Variants in CNTNAP2 observed in about 807,000 individuals in gnomAD.
CNTNAP2 encodes the protein contactin associated protein 2.
In CNTNAP2, 98 loss-of-function variants were observed where a neutral mutation model predicts 155.2. That is an observed-to-expected ratio of 0.63 (90% confidence interval 0.54 to 0.75). The LOEUF is 0.75. Among genes scored for constraint, CNTNAP2 ranks in the 30% least tolerant of loss-of-function variants. The probability of loss-of-function intolerance (pLI) is 0.00; values close to 1 mark genes in which losing one functional copy is unlikely to be tolerated. For synonymous variants in CNTNAP2, 651 were observed against 631.2 expected, an observed-to-expected ratio of 1.03 and a Z score of -0.47; for missense variants, 1,727 against 1,688.1, an observed-to-expected ratio of 1.02 and a Z score of -0.40.
intron 9 of CNTNAP2, among the ~76,000 whole-genome samples, chr7:147,367,975 CCTTT>C (rs1796265182): frequency 6.7e-6 from 1 of 150,148 alleles, no homozygotes; most frequent in African/African-American, 2.5e-5. Context: ...TGAGGAAAAG[CCTTT>C]CTTTCTTTCT....
intron 15 of CNTNAP2, among the ~76,000 whole-genome samples, chr7:148,024,535 G>C (rs759100804): frequency 2.4e-4 from 36 of 152,248 alleles, no homozygotes; most frequent in Admixed American, 3.9e-4. Context: ...ACCCAGCTTT[G>C]TTCCTCACAT....
At chr7:147,362,212 A>G (rs1796158700) in intron 9 of CNTNAP2, among the ~76,000 whole-genome samples, 1 of 152,150 alleles carries the variant, frequency 6.6e-6, no homozygotes, top group African/African-American at 2.4e-5. Context: ...AGCTCACTAC[A>G]GCCTCAAATT....
At chr7:147,319,954 C>T (rs567574357) in intron 9 of CNTNAP2, among the ~76,000 whole-genome samples, 5 of 152,172 alleles carry the variant, frequency 3.3e-5, no homozygotes, top group African/African-American at 9.6e-5. Context: ...TGTTCTTTCT[C>T]ACAACTACTC....
intron 1 of CNTNAP2, among the ~76,000 whole-genome samples, chr7:146,473,829 G>A (rs1023539939): frequency 6.6e-6 from 1 of 152,270 alleles, no homozygotes; most frequent in Admixed American, 6.5e-5. Context: ...TTTGTCTCAA[G>A]TATTGTTTTG....
At chr7:147,486,079 C>T (rs1798505507) in intron 11 of CNTNAP2, 38 bp downstream of exon 11, 2 of 1,541,636 alleles carry the variant, frequency 1.3e-6, no homozygotes, top group South Asian at 2.2e-5. Flanking sequence ...CTTGTAATTG[C>T]ATGAGAATCT....
At chr7:148,277,227 C>T (rs115116160) in intron 21 of CNTNAP2, among the ~76,000 whole-genome samples, 365 of 152,266 alleles carry the variant, frequency 2.4e-3, no homozygotes, top group African/African-American at 8.4e-3. Context: ...TGCTGGCCTC[C>T]AGCCCAGTGT....
chr7:148,172,608 A>G, intron 18 of CNTNAP2, 130 bp downstream of exon 18: 1 of 892,200 alleles, frequency 1.1e-6, no homozygotes, highest in Non-Finnish European at 1.8e-6. Context: ...TTTTTCTCTC[A>G]ACTTAGGTAG....
At chr7:147,841,203 C>G (rs929499111) in intron 13 of CNTNAP2, among the ~76,000 whole-genome samples, 1 of 152,018 alleles carries the variant, frequency 6.6e-6, no homozygotes, top group Non-Finnish European at 1.5e-5. Context: ...TGCCTCATTT[C>G]TTTGCTTTAT....
intron 10 of CNTNAP2, among the ~76,000 whole-genome samples, chr7:147,481,175 T>A (rs914611158): frequency 1.2e-4 from 19 of 152,344 alleles, no homozygotes; most frequent in African/African-American, 3.4e-4. Flanking sequence ...ATTTTAACTT[T>A]AAGCACTGTA....
chr7:147,317,224 C>T (rs755217389), intron 9 of CNTNAP2, among the ~76,000 whole-genome samples: 3 of 152,214 alleles, frequency 2.0e-5, no homozygotes, highest in Non-Finnish European at 4.4e-5. Flanking sequence ...TATCCACTGA[C>T]GGTTTCAGTC....
At chr7:148,232,574 G>A (rs771140041) in intron 20 of CNTNAP2, among the ~76,000 whole-genome samples, 2 of 152,060 alleles carry the variant, frequency 1.3e-5, no homozygotes, top group Non-Finnish European at 2.9e-5. Context: ...ACCTATTCTG[G>A]TAGTCCCCAG....
intron 8 of CNTNAP2, among the ~76,000 whole-genome samples, chr7:147,206,127 G>C (rs1441560766): frequency 2.0e-5 from 3 of 151,292 alleles, no homozygotes; most frequent in African/African-American, 7.3e-5. Flanking sequence ...GACTAATGTA[G>C]AAAAAAAAGA....
At chr7:147,418,871 C>T (rs1797242589) in intron 10 of CNTNAP2, among the ~76,000 whole-genome samples, 2 of 152,074 alleles carry the variant, frequency 1.3e-5, no homozygotes, top group African/African-American at 4.8e-5. Context: ...GTCTTCAAGC[C>T]TCGAAGCACC....
At chr7:148,409,505 T>TACTC in intron 23 of CNTNAP2, 34 bp downstream of exon 23, 1 of 1,562,906 alleles carries the variant, frequency 6.4e-7, no homozygotes, top group East Asian at 2.2e-5. Flanking sequence ...TATATGGGGC[T>TACTC]ACTCAACTAT....
chr7:147,182,294 C>G (rs537788061), intron 8 of CNTNAP2, among the ~76,000 whole-genome samples: 13 of 151,960 alleles, frequency 8.6e-5, no homozygotes, highest in Non-Finnish European at 1.8e-4. Context: ...TCAATATTAA[C>G]CTCCTCTTTT....
At chr7:148,214,760 G>A (rs889381411) in intron 18 of CNTNAP2, among the ~76,000 whole-genome samples, 4 of 152,026 alleles carry the variant, frequency 2.6e-5, no homozygotes, top group Non-Finnish European at 5.9e-5. Flanking sequence ...TAGTAGAGAC[G>A]GGGTTTCACC....
intron 3 of CNTNAP2, among the ~76,000 whole-genome samples, chr7:146,965,430 TC>T (rs1228179671): frequency 6.6e-6 from 1 of 151,930 alleles, no homozygotes; most frequent in East Asian, 1.9e-4. Context: ...TTACTTCAAA[TC>T]CCTCAGGATT....
chr7:147,626,375 TC>T (rs144668456), intron 12 of CNTNAP2, among the ~76,000 whole-genome samples: 133 of 151,796 alleles, frequency 8.8e-4, no homozygotes, highest in Non-Finnish European at 1.6e-3. Context: ...TAATGGCTAT[TC>T]CCCACTTCTC....
intron 3 of CNTNAP2, among the ~76,000 whole-genome samples, chr7:147,001,151 AC>A (rs1391790705): frequency 1.3e-5 from 2 of 151,982 alleles, no homozygotes; most frequent in East Asian, 1.9e-4. Context: ...TGTCCGTTCT[AC>A]CTTTTTTGGT....
Sources: allele counts gnomAD v4.1 joint callset (sites outside exome capture counted in the v4.1 genomes callset), GRCh38; gene constraint gnomAD v4.1.1; transcripts MANE v1.5; gene names NCBI Gene and HGNC (gene_info 2026-07-23, HGNC 2026-07-21).